The following BMPR1A variants were observed in gnomAD, a reference collection of about 807,000 sequenced individuals.
BMPR1A encodes bone morphogenetic protein receptor type-1A.
In BMPR1A, 7 loss-of-function variants were observed where a neutral mutation model predicts 66.0. The observed-to-expected ratio is 0.11, with a 90% CI of 0.06 to 0.20. The LOEUF (loss-of-function observed/expected upper bound fraction) is 0.20. Among genes scored for constraint, BMPR1A ranks in the 10% least tolerant of loss-of-function variants. BMPR1A has a pLI of 1.00. For synonymous variants in BMPR1A, 200 were observed against 229.7 expected (o/e 0.87, Z 1.17); for missense variants, 408 against 669.1 (o/e 0.61, Z 4.31).
chr10:86,759,817 G>C lies in BMPR1A; in HGVS notation c.-268+2898G>C, dbSNP rs60031043. ...TAGGCCTAGATCTTTTTTCTGGAGA[G>C]GACTTTGAGTAACACTTCAATTTCT... is the stretch of plus-strand genomic sequence containing the variant. On this transcript the variant is annotated intron_variant, in intron 1 of 12. Transcript: ENST00000372037. Among the ~76,000 whole-genome samples the C allele has an allele frequency of 0.083, 12,605 of 152,120 alleles. 1,007 individuals carry two copies. Among genetic ancestry groups the C allele is most frequent in the African/African-American group, 0.21 (8,557 of 41,452 alleles).
At chr10:86,845,704 A>G (rs993945197) in intron 2 of BMPR1A, among the ~76,000 whole-genome samples, 2 of 152,174 alleles carry the variant, frequency 1.3e-5, no homozygotes, top group African/African-American at 2.4e-5. Flanking sequence ...TATGATCACT[A>G]AAAGAAATAT....
chr10:86,913,596 ACAGAGT>A (rs1843522738), intron 8 of BMPR1A, among the ~76,000 whole-genome samples: 1 of 152,196 alleles, frequency 6.6e-6, no homozygotes, highest in African/African-American at 2.4e-5. Context: ...GTTGCAGAAT[ACAGAGT>A]CATTGTACAA....
intron 2 of BMPR1A, among the ~76,000 whole-genome samples, chr10:86,865,497 G>T (rs927575760): frequency 6.6e-6 from 1 of 151,576 alleles, no homozygotes; most frequent in Admixed American, 6.6e-5. Context: ...ATCTCCCTTC[G>T]CTGACTCTCT....
At chr10:86,915,950 AAAT>A (rs1843562085) in intron 8 of BMPR1A, among the ~76,000 whole-genome samples, 3 of 152,238 alleles carry the variant, frequency 2.0e-5, no homozygotes, top group Admixed American at 6.5e-5. Flanking sequence ...TGTCCCAAAT[AAAT>A]ACTTATATTC....
intron 2 of BMPR1A, among the ~76,000 whole-genome samples, chr10:86,840,250 TAATACTTGCAG>T (rs1842407327): frequency 6.6e-6 from 1 of 152,230 alleles, no homozygotes; most frequent in South Asian, 2.1e-4. Context: ...CTGCTACTGT[TAATACTTGCAG>T]CATTCACTCG....
intron 1 of BMPR1A, among the ~76,000 whole-genome samples, chr10:86,803,225 A>G (rs953064966): frequency 2.0e-5 from 3 of 152,144 alleles, no homozygotes; most frequent in Non-Finnish European, 4.4e-5. Context: ...GCTACATGAA[A>G]CAGAAGAAAA....
At chr10:86,800,972 A>G (rs747153351) in intron 1 of BMPR1A, among the ~76,000 whole-genome samples, 1 of 152,254 alleles carries the variant, frequency 6.6e-6, no homozygotes, top group Non-Finnish European at 1.5e-5. Context: ...CTAAGTGTCT[A>G]GAGATGGCAA....
chr10:86,858,064 A>G, intron 2 of BMPR1A, among the ~76,000 whole-genome samples: 1 of 152,162 alleles, frequency 6.6e-6, no homozygotes, highest in Middle Eastern at 3.2e-3. Context: ...CATATTTAAA[A>G]ACCACCACAG....
intron 1 of BMPR1A, among the ~76,000 whole-genome samples, chr10:86,836,879 G>A (rs1842355803): frequency 6.6e-6 from 1 of 152,170 alleles, no homozygotes; most frequent in Non-Finnish European, 1.5e-5. Flanking sequence ...GCTGCAGTGA[G>A]CTGTGATTGT....
chr10:86,821,991 A>AGG (rs1181794368), intron 1 of BMPR1A, among the ~76,000 whole-genome samples: 1 of 151,974 alleles, frequency 6.6e-6, no homozygotes, highest in Non-Finnish European at 1.5e-5. Flanking sequence ...TTTTGTAGAG[A>AGG]GGGGTTTTAC....
chr10:86,832,410 G>C (rs1842282666), intron 1 of BMPR1A, among the ~76,000 whole-genome samples: 4 of 151,052 alleles, frequency 2.6e-5, no homozygotes, highest in African/African-American at 9.7e-5. Context: ...AGGTTGTGGT[G>C]AGCTGAGTTC....
At chr10:86,856,167 T>G in intron 2 of BMPR1A, 1 of 529,498 alleles carries the variant, frequency 1.9e-6, no homozygotes, top group Non-Finnish European at 3.8e-6. Context: ...ACATAAAGGA[T>G]AACCACAGAG....
intron 2 of BMPR1A, among the ~76,000 whole-genome samples, chr10:86,867,139 T>C (rs1364038204): frequency 6.6e-6 from 1 of 152,216 alleles, no homozygotes; most frequent in Non-Finnish European, 1.5e-5. Context: ...TCTATTCAAT[T>C]TACCAGTAAA....
intron 5 of BMPR1A, among the ~76,000 whole-genome samples, chr10:86,894,913 A>C (rs1248523611): frequency 1.3e-5 from 2 of 152,174 alleles, no homozygotes; most frequent in Non-Finnish European, 2.9e-5. Flanking sequence ...TTTGGATCCT[A>C]AACTTCAGTA....
At chr10:86,779,503 A>G (rs926375979) in intron 1 of BMPR1A, among the ~76,000 whole-genome samples, 1 of 152,134 alleles carries the variant, frequency 6.6e-6, no homozygotes, top group Non-Finnish European at 1.5e-5. Flanking sequence ...AGTTACTTGT[A>G]TATTCTGGAT....
intron 10 of BMPR1A, among the ~76,000 whole-genome samples, chr10:86,920,873 TG>T (rs1263424885): frequency 1.3e-5 from 2 of 149,438 alleles, no homozygotes; most frequent in Non-Finnish European, 1.5e-5. Context: ...TTTTTTTTTT[TG>T]AGAGAGATTC....
intron 11 of BMPR1A, among the ~76,000 whole-genome samples, chr10:86,922,018 C>G (rs1185262134): frequency 6.6e-6 from 1 of 151,858 alleles, no homozygotes; most frequent in African/African-American, 2.4e-5. Flanking sequence ...ATTCATTCTT[C>G]TATTTTGTCT....
At chr10:86,847,208 TGG>T (rs913428317) in intron 2 of BMPR1A, among the ~76,000 whole-genome samples, 13 of 152,142 alleles carry the variant, frequency 8.5e-5, no homozygotes, top group Non-Finnish European at 1.8e-4. Flanking sequence ...CAGCTCCATA[TGG>T]TATAGTGGGG....
At chr10:86,891,639 A>T (rs1589764048) in intron 4 of BMPR1A, among the ~76,000 whole-genome samples, 1 of 152,218 alleles carries the variant, frequency 6.6e-6, no homozygotes, top group Admixed American at 6.5e-5. Context: ...CATCATATTC[A>T]GTAAAAGGTG....
Sources: gnomAD v4.1 joint callset for allele counts (sites outside exome capture counted in the v4.1 genomes callset) on GRCh38, gnomAD v4.1.1 for gene constraint, MANE v1.5 for transcripts, NCBI Gene and HGNC (gene_info 2026-07-23, HGNC 2026-07-21) for gene names.